Variants in GLG1 observed in about 807,000 individuals in gnomAD.
GLG1 encodes the protein golgi glycoprotein 1, also known as Golgi apparatus protein 1.
A neutral mutation model predicts 160.5 loss-of-function variants in GLG1; 38 were observed. That is an observed-to-expected ratio of 0.24 (90% CI 0.18 to 0.31). GLG1 has a LOEUF of 0.31. Ranked by LOEUF, GLG1 falls within the 10% of genes least tolerant of loss-of-function variation. The probability of loss-of-function intolerance (pLI) is 1.00; values close to 1 mark genes in which losing one functional copy is unlikely to be tolerated. For synonymous variants in GLG1, 644 were observed against 543.4 expected (o/e 1.19, Z -2.57); for missense variants, 1,373 against 1,505.2 (o/e 0.91, Z 1.45).
chr16:74,516,428 A>G (rs2016980511), intron 2 of GLG1, among the ~76,000 whole-genome samples: 1 of 152,036 alleles, frequency 6.6e-6, no homozygotes, highest in South Asian at 2.1e-4. Flanking sequence ...ACTACATGGA[A>G]ACTGAACAAC....
intron 1 of GLG1, among the ~76,000 whole-genome samples, chr16:74,542,758 G>GAAGGAAGGAAAGA (rs1597329078): frequency 1.9e-5 from 1 of 53,076 alleles, no homozygotes. Context: ...AGGAAGGAAG[G>GAAGGAAGGAAAGA]AAGGAAGGAA....
At chr16:74,504,358 G>C (rs1424347367) in intron 3 of GLG1, among the ~76,000 whole-genome samples, 1 of 152,154 alleles carries the variant, frequency 6.6e-6, no homozygotes, top group Non-Finnish European at 1.5e-5. Context: ...CATGATCTCG[G>C]CTCACTGAAA....
At chr16:74,467,905 T>C (rs2015057589) in intron 17 of GLG1, 57 bp from the exon 18 acceptor site, 4 of 1,132,704 alleles carry the variant, frequency 3.5e-6, no homozygotes, top group Non-Finnish European at 2.6e-6. Context: ...AGATGTCATA[T>C]GTTCTGGAGA....
At chr16:74,453,397 C>G (rs1019886848) in intron 25 of GLG1, 63 bp from the exon 26 acceptor site, 5 of 1,022,570 alleles carry the variant, frequency 4.9e-6, no homozygotes, top group Non-Finnish European at 7.5e-6. Context: ...AGTGCTAGGT[C>G]TAACTTATCC....
intron 4 of GLG1, among the ~76,000 whole-genome samples, chr16:74,497,418 C>T (rs1163738579): frequency 6.7e-6 from 1 of 149,014 alleles, no homozygotes; most frequent in Non-Finnish European, 1.5e-5. Flanking sequence ...AGGCATTTCC[C>T]AAATAACAGT....
chr16:74,454,425 T>C (rs1159350828), intron 25 of GLG1, among the ~76,000 whole-genome samples: 2 of 150,924 alleles, frequency 1.3e-5, no homozygotes, highest in East Asian at 4.0e-4. Context: ...TCCCAGCACT[T>C]TGGGAGGCTG....
chr16:74,533,768 G>A (rs889089450), intron 1 of GLG1, among the ~76,000 whole-genome samples: 5 of 152,138 alleles, frequency 3.3e-5, no homozygotes, highest in Admixed American at 1.3e-4. Context: ...GCAACAGAGC[G>A]AGATTCCATC....
chr16:74,500,339 T>A (rs1356355873), intron 4 of GLG1, among the ~76,000 whole-genome samples: 4 of 152,192 alleles, frequency 2.6e-5, no homozygotes, highest in African/African-American at 9.7e-5. Flanking sequence ...TAATTTTTTG[T>A]TAACTTTATT....
In GLG1 at chr16:74,477,391, C is replaced by A. The variant is rs758496202; in HGVS notation, c.1965+5G>T. The A allele has an allele frequency of 1.1e-5, 18 of 1,607,142 alleles. No homozygotes were observed. The South Asian group carries it at 1.9e-4, about 17-fold the overall frequency. On this transcript the variant is annotated splice_donor_5th_base_variant and intron_variant, in intron 12 of 25. Coordinates refer to ENST00000422840, the MANE Select transcript of GLG1 (RefSeq NM_001145667.2). ...GTAAGACAAACAGAAAGCGATGTCA[C>A]CTACCTGTCCAGTCTCTGTTTTCTC... is the stretch of plus-strand genomic sequence containing the variant.
chr16:74,508,981 A>T (rs1452986439), intron 2 of GLG1, 56 bp from the exon 3 acceptor site: 1 of 751,648 alleles, frequency 1.3e-6, no homozygotes. Context: ...AACAGTACGA[A>T]ATTTATTATC....
intron 7 of GLG1, among the ~76,000 whole-genome samples, chr16:74,491,586 C>T (rs1248150222): frequency 6.6e-6 from 1 of 151,592 alleles, no homozygotes; most frequent in Non-Finnish European, 1.5e-5. Flanking sequence ...TTAAGATATT[C>T]ACTATAAGCT....
chr16:74,484,971 T>C (rs2015740197), intron 9 of GLG1, among the ~76,000 whole-genome samples: 1 of 151,954 alleles, frequency 6.6e-6, no homozygotes, highest in Non-Finnish European at 1.5e-5. Context: ...TGGAGTGCAG[T>C]GGTATGATCA....
chr16:74,556,544 C>A (rs981033909), intron 1 of GLG1, among the ~76,000 whole-genome samples: 6 of 151,872 alleles, frequency 4.0e-5, no homozygotes, highest in African/African-American at 1.5e-4. Flanking sequence ...GTCAGCTGGG[C>A]GTGGTGGTTC....
chr16:74,598,289 A>C (rs892738106), intron 1 of GLG1, among the ~76,000 whole-genome samples: 2 of 151,968 alleles, frequency 1.3e-5, no homozygotes, highest in African/African-American at 2.4e-5. Flanking sequence ...TGGGAGGCCA[A>C]GGCGGGCGGA....
chr16:74,541,652 G>A (rs944112318), intron 1 of GLG1, among the ~76,000 whole-genome samples: 3 of 152,104 alleles, frequency 2.0e-5, no homozygotes, highest in African/African-American at 7.2e-5. Context: ...AAATATATGC[G>A]ACCACTAGCC....
In GLG1 at chr16:74,496,544, T is replaced by C. The variant is rs148059780; in HGVS notation, c.875A>G (p.Lys292Arg). ...CTCAGCCACCCGGAGAATGGCTTTC[T>C]TGCAGAGTTCAGAAACTTGAATCTT... The part of the protein sequence containing the change: ...EPKIQVSELC[K>R]KAILRVAELS... The change falls in exon 5 of 26, where the codon AAG becomes AGG. Residue 292 changes from lysine to arginine, a missense_variant. Around this residue, in one of 4 missense-constraint regions of GLG1, gnomAD observed 174 missense variants for 229.9 expected, o/e 0.76. Coordinates refer to ENST00000422840, the MANE Select transcript of GLG1 (RefSeq NM_001145667.2). The C allele has an allele frequency of 3.1e-6, 5 of 1,613,562 alleles. No individual in the cohort carries two copies. In the African/African-American group the frequency reaches 4.0e-5, roughly 13 times the overall value.
At chr16:74,566,340 T>C (rs771717762) in intron 1 of GLG1, among the ~76,000 whole-genome samples, 30 of 152,336 alleles carry the variant, frequency 2.0e-4, no homozygotes, top group Middle Eastern at 3.4e-3. Flanking sequence ...TTGTCTTTTC[T>C]ATTTATTTAT....
At chr16:74,594,322 A>G (rs1222716485) in intron 1 of GLG1, among the ~76,000 whole-genome samples, 1 of 152,216 alleles carries the variant, frequency 6.6e-6, no homozygotes, top group Non-Finnish European at 1.5e-5. Flanking sequence ...TCACCCTATC[A>G]AGAATTATAG....
At chr16:74,595,633 C>G (rs1330577854) in intron 1 of GLG1, among the ~76,000 whole-genome samples, 1 of 152,188 alleles carries the variant, frequency 6.6e-6, no homozygotes, top group Non-Finnish European at 1.5e-5. Context: ...TCTTATGACA[C>G]TTATTACTTT....
Sources: allele counts gnomAD v4.1 joint callset (sites outside exome capture counted in the v4.1 genomes callset), GRCh38; gene constraint gnomAD v4.1.1; regional missense constraint gnomAD v4.1.1; transcripts MANE v1.5; gene names NCBI Gene and HGNC (gene_info 2026-07-23, HGNC 2026-07-21).